Variants in KDM6B observed in about 807,000 individuals in gnomAD.
KDM6B encodes the protein lysine-specific demethylase 6B.
A neutral mutation model predicts 150.4 loss-of-function variants in KDM6B; 22 were observed. That is an observed-to-expected ratio of 0.15 (90% CI 0.10 to 0.21). The LOEUF is 0.21. Among genes scored for constraint, KDM6B ranks in the 10% least tolerant of loss-of-function variants. The pLI is 1.00. For missense variants in KDM6B, 1,984 were observed against 2,234.3 expected (o/e 0.89, Z 2.26); for synonymous variants, 1,148 against 921.1 (o/e 1.25, Z -4.46).
At position 7,853,197 on chromosome 17, in the gene KDM6B, C is replaced by G; in HGVS notation, c.4738-13C>G. The G allele has an allele frequency of 1.2e-6, 2 of 1,613,536 alleles. No homozygotes were observed. The highest frequency in any genetic ancestry group is 8.5e-7 in the Non-Finnish European group (1 of 1,179,828). On this transcript the variant is annotated splice_polypyrimidine_tract_variant and intron_variant, in intron 22 of 23. Transcript: ENST00000448097. ...CCTCCCTCCCCCTGACTGCACTGTC[C>G]TCCCTGCCCCAGGTGGAGGTGTTTA...
rs1419601976 is a variant in KDM6B at position 7,853,518 on chromosome 17, A to T, written c.4929A>T (p.Arg1643=). 1.2e-5 allele frequency: 18 copies of T among 1,501,764 alleles called. No homozygotes were observed. In the East Asian group the frequency reaches 1.3e-4, roughly 11 times the overall value. The allele number at this position is 1,501,764 out of a possible 1,614,324, so 93.0% of individuals were successfully genotyped here. The change falls in exon 24 of 24, where the codon CGA becomes CGT. Residue 1643 remains arginine, a synonymous_variant. Transcript: ENST00000448097. ...CCCAGGCCCCAGCCAGCACGTCGCG[A>T]TGAGGCCGGACGCCCCGCCCGCCTG... is the stretch of plus-strand genomic sequence containing the variant. ...AFTLAPASTS[R] is the part of the protein sequence containing the mutation.
intron 1 of KDM6B, among the ~76,000 whole-genome samples, chr17:7,834,646 GGGCGC>G (rs1421368796): frequency 6.6e-6 from 1 of 151,926 alleles, no homozygotes; most frequent in Non-Finnish European, 1.5e-5. Flanking sequence ...GGGCGGGGCG[GGGCGC>G]GGCGGTCCTT....
At chr17:7,849,757 G>A (rs372728295) in intron 12 of KDM6B, 29 bp downstream of exon 12, 210 of 1,612,532 alleles carry the variant, frequency 1.3e-4, no homozygotes, top group Non-Finnish European at 1.7e-4. Flanking sequence ...TGCTTGTCCC[G>A]GAGACAGGCT....
chr17:7,848,590 GAGA>G lies in KDM6B; in HGVS notation c.2308_2310del (p.Lys770del), dbSNP rs752050810. 5.0e-6 allele frequency: 8 copies of G among 1,602,004 alleles called. No individual in the cohort carries two copies. The highest frequency in any genetic ancestry group is 1.3e-5 in the African/African-American group (1 of 74,282). Reference sequence around the variant, plus strand: ...CACCACCACGGCCACCCAGGAAGAGGAGAAGAAGCCACCACCAGCCCTACCACC... The same window carrying G: ...CACCACCACGGCCACCCAGGAAGAGGAGAAGCCACCACCAGCCCTACCACC... On this transcript the variant is annotated inframe_deletion, in exon 12 of 24. Coordinates refer to ENST00000448097, the MANE Select transcript of KDM6B (RefSeq NM_001348716.2).
chr17:7,849,588 C>T lies in KDM6B; in HGVS notation c.3300C>T (p.Pro1100=). 6.2e-7 allele frequency: 1 copy of T among 1,612,608 alleles called. No homozygotes were observed. The highest frequency in any genetic ancestry group is 8.5e-7 in the Non-Finnish European group (1 of 1,179,994). ...LKLRSLSEGP[P]KELKIRLIKV... ...TGCGCTCACTTAGTGAGGGGCCCCC[C>T]AAGGAGCTGAAGATCCGGCTCATCA... The change falls in exon 12 of 24, where the codon CCC becomes CCT. Residue 1100 remains proline, a synonymous_variant. Coordinates refer to ENST00000448097, the MANE Select transcript of KDM6B (RefSeq NM_001348716.2).
rs1249147671 is a variant in KDM6B, at chr17:7,853,557, G to A, written c.*36G>A. On this transcript the variant is annotated 3_prime_UTR_variant, in exon 24 of 24. Coordinates refer to ENST00000448097, the MANE Select transcript of KDM6B (RefSeq NM_001348716.2). ...CCCGCCCGCCTGCCTGCCCGCGCAAGGCGCCGCGGGGCCACCAGCACATGC... is the reference window on the plus strand; with the variant it reads ...CCCGCCCGCCTGCCTGCCCGCGCAAAGCGCCGCGGGGCCACCAGCACATGC... The A allele has an allele frequency of 5.6e-5, 78 of 1,383,960 alleles. No homozygotes were observed. The highest frequency in any genetic ancestry group is 6.8e-5 in the Non-Finnish European group (73 of 1,067,962). 85.7% of individuals were successfully genotyped at this position (1,383,960 alleles called of 1,614,324 possible).
chr17:7,837,007 G>A (rs780123170), intron 1 of KDM6B, among the ~76,000 whole-genome samples: 1 of 152,100 alleles, frequency 6.6e-6, no homozygotes, highest in African/African-American at 2.4e-5. Flanking sequence ...TTAGCATCCT[G>A]CAGGTGGGAA....
intron 9 of KDM6B, 39 bp from the exon 10 acceptor site, chr17:7,846,780 G>C (rs1469552379): frequency 3.7e-6 from 6 of 1,613,740 alleles, no homozygotes; most frequent in African/African-American, 1.3e-5. Flanking sequence ...AAGTAGGCAG[G>C]ACTTGGGAAT....
At position 7,848,015 on chromosome 17, in the gene KDM6B, A is replaced by G. The variant is rs769968676; in HGVS notation, c.1727A>G (p.Tyr576Cys). ...CCTGTGTCCTTTCCCCCACCACCCT[A>G]TCTGGCCAGAAGTATAGACCCCCTT... ...AGPVSFPPPP[Y>C]LARSIDPLPR... is the part of the protein sequence containing the mutation. Residue 576 changes from tyrosine (Y) to cysteine (C), a missense_variant, in exon 12 of 24, where the codon TAT becomes TGT. Physicochemically the swap from Tyr to Cys is radical, Grantham distance 194. Transcript: ENST00000448097. 7 of 1,592,284 alleles carry G rather than the reference A, an allele frequency of 4.4e-6. No homozygotes were observed. Among genetic ancestry groups the G allele is most frequent in the Non-Finnish European group, 5.1e-6 (6 of 1,172,000 alleles).
At chr17:7,840,889 G>T (rs947947166) in intron 2 of KDM6B, among the ~76,000 whole-genome samples, 3 of 152,168 alleles carry the variant, frequency 2.0e-5, no homozygotes, top group African/African-American at 4.8e-5. Context: ...TCTAGAGGAC[G>T]TGAGACATTG....
chr17:7,841,932 CCTCG>C (rs1441869433), intron 2 of KDM6B, among the ~76,000 whole-genome samples: 1 of 152,206 alleles, frequency 6.6e-6, no homozygotes. Context: ...GCGTGTAACC[CCTCG>C]CTTCCACCAG....
rs1303070501 is a variant in KDM6B, at chr17:7,848,495, T to C, written c.2207T>C (p.Phe736Ser). Residue 736 changes from phenylalanine (F) to serine (S), a missense_variant, in exon 12 of 24, where the codon TTC becomes TCC. Coordinates refer to ENST00000448097, the MANE Select transcript of KDM6B (RefSeq NM_001348716.2). ...KEPFASLQSP[F>S]PTDTAPTTTA... ...CCCTTTGCATCTCTGCAGTCTCCTT[T>C]CCCCACCGACACAGCCCCCACCACT... 66 of 1,610,214 alleles carry C rather than the reference T, an allele frequency of 4.1e-5. No homozygotes were observed. Among genetic ancestry groups the C allele is most frequent in the Non-Finnish European group, 5.6e-5 (66 of 1,179,592 alleles).
At position 7,847,314 on chromosome 17, in the gene KDM6B, C is replaced by T. The variant is rs752061478; in HGVS notation, c.1119C>T (p.Ser373=). 1.6e-5 allele frequency: 26 copies of T among 1,607,746 alleles called. No homozygotes were observed. Among genetic ancestry groups the T allele is most frequent in the East Asian group, 4.5e-5 (2 of 44,866 alleles). Residue 373 remains serine (S), a synonymous_variant, in exon 11 of 24, where the codon AGC becomes AGT. Coordinates refer to ENST00000448097, the MANE Select transcript of KDM6B (RefSeq NM_001348716.2). The part of the protein sequence containing the change: ...SRVQRSRMDS[S]VSPAATTACV... ...TTCAGAGGTCGCGGATGGACTCCAGCGTTTCACCAGCAGCAACCACCGCCT... is the reference window on the plus strand; with the variant it reads ...TTCAGAGGTCGCGGATGGACTCCAGTGTTTCACCAGCAGCAACCACCGCCT...
At chr17:7,852,911 T>C in intron 21 of KDM6B, 89 bp from the exon 22 acceptor site, 1 of 1,565,812 alleles carries the variant, frequency 6.4e-7, no homozygotes, top group Non-Finnish European at 8.8e-7. Flanking sequence ...GGGAGGGCCC[T>C]GGGGCTGCCC....
chr17:7,847,343 T>C lies in KDM6B; in HGVS notation c.1148T>C (p.Val383Ala), dbSNP rs1486107333. ...TCACCAGCAGCAACCACCGCCTGCG[T>C]GCCTTACGCCCCTTCCCGGCCCCCT... Reference protein sequence around the residue: ...SVSPAATTACVPYAPSRPPGL... With the variant: ...SVSPAATTACAPYAPSRPPGL... The change falls in exon 11 of 24, where the codon GTG becomes GCG. Residue 383 changes from valine to alanine, a missense_variant. By Grantham distance (64) the Val-to-Ala change is moderately conservative (BLOSUM62 0). Around this residue, in one of 13 missense-constraint regions of KDM6B, gnomAD observed 1,379 missense variants for 1,275.6 expected, o/e 1.08. Coordinates refer to ENST00000448097, the MANE Select transcript of KDM6B (RefSeq NM_001348716.2). 1 of 1,611,072 alleles carries C rather than the reference T, an allele frequency of 6.2e-7. No individual in the cohort carries two copies. Among genetic ancestry groups the C allele is most frequent in the Non-Finnish European group, 8.5e-7 (1 of 1,179,874 alleles).
chr17:7,848,640 C>T lies in KDM6B; in HGVS notation c.2352C>T (p.Phe784=). ...ALPPPPPLAK[F]PPPSQPQPPP... ...CACCACCACCGCCTCTAGCCAAGTT[C>T]CCTCCACCCTCTCAGCCACAGCCAC... Residue 784 remains phenylalanine, a synonymous_variant, in exon 12 of 24, where the codon TTC becomes TTT. Coordinates refer to ENST00000448097, the MANE Select transcript of KDM6B (RefSeq NM_001348716.2). 4 of 1,600,818 alleles carry T rather than the reference C, an allele frequency of 2.5e-6. No individual in the cohort carries two copies. Among genetic ancestry groups the T allele is most frequent in the East Asian group, 4.5e-5 (2 of 44,052 alleles).
intron 9 of KDM6B, 30 bp from the exon 10 acceptor site, chr17:7,846,789 A>G (rs759699203): frequency 1.2e-6 from 2 of 1,613,734 alleles, no homozygotes; most frequent in Non-Finnish European, 1.7e-6. Context: ...GGACTTGGGA[A>G]TGGGATTCTC....
Position 7,853,135 on chromosome 17 carries a change from G to T in KDM6B, c.4737+9G>T, listed in dbSNP as rs1401227933. ...ACTGCAACGAGTGCGATGTGAGTGG[G>T]CCGGCTCTGCTGCTCTCCCTGAGTG... On this transcript the variant is annotated intron_variant, in intron 22 of 23. Coordinates refer to ENST00000448097, the MANE Select transcript of KDM6B (RefSeq NM_001348716.2). 6.2e-7 allele frequency: 1 copy of T among 1,614,116 alleles called. No individual in the cohort carries two copies. Among genetic ancestry groups the T allele is most frequent in the Non-Finnish European group, 8.5e-7 (1 of 1,180,010 alleles).
At position 7,844,991 on chromosome 17, in the gene KDM6B, G is replaced by GC; in HGVS notation, c.-177dup. The GC allele has an allele frequency of 5.4e-6, 1 of 183,582 alleles. No homozygotes were observed. Among genetic ancestry groups the GC allele is most frequent in the Admixed American group, 5.4e-5 (1 of 18,612 alleles). The allele number at this position is 183,582 out of a possible 1,614,324, so 11.4% of individuals were successfully genotyped here. A position where few individuals can be genotyped will look rare whatever the true frequency, so the allele number is the denominator to read the frequency against. Reference sequence around the variant, plus strand: ...GGCCAGATCTCTGGAGCTTGCCGACGCGGTGTGAGGACGCTCCCACGGAGG... The same window carrying GC: ...GGCCAGATCTCTGGAGCTTGCCGACGCCGGTGTGAGGACGCTCCCACGGAGG... On this transcript the variant is annotated 5_prime_UTR_variant, in exon 3 of 24. Coordinates refer to ENST00000448097, the MANE Select transcript of KDM6B (RefSeq NM_001348716.2). The surrounding 1 kb of genome is among the most constrained non-coding windows in gnomAD (Gnocchi z 5.9).
Sources: gnomAD v4.1 joint callset for allele counts (sites outside exome capture counted in the v4.1 genomes callset) on GRCh38, gnomAD v4.1.1 for gene constraint, gnomAD v4.1.1 regional missense constraint, Gnocchi (gnomAD v3.1) non-coding constraint, MANE v1.5 for transcripts, NCBI Gene and HGNC (gene_info 2026-07-23, HGNC 2026-07-21) for gene names.